LRRTM4: variants seen among roughly 807,000 people sequenced by gnomAD.
The protein encoded by LRRTM4 is leucine-rich repeat transmembrane neuronal protein 4.
Under a neutral mutation model 47.6 loss-of-function variants are expected in LRRTM4, and 25 were observed. The observed-to-expected ratio is 0.53, with a 90% confidence interval of 0.38 to 0.73. The LOEUF (loss-of-function observed/expected upper bound fraction) is 0.73. LRRTM4 is among the 30% of genes least tolerant of loss of function. The pLI is 0.00. For synonymous variants in LRRTM4, 311 were observed against 269.5 expected (o/e 1.15, Z -1.51); for missense variants, 638 against 713.4 (o/e 0.89, Z 1.20).
intron 3 of LRRTM4, among the ~76,000 whole-genome samples, chr2:76,835,642 AG>A (rs1361939576): frequency 6.6e-6 from 1 of 152,092 alleles, no homozygotes; most frequent in Non-Finnish European, 1.5e-5. Flanking sequence ...CCTGAAAGAA[AG>A]CTCAATGAGA....
chr2:76,833,201 G>T (rs1671403957), intron 3 of LRRTM4, among the ~76,000 whole-genome samples: 1 of 152,230 alleles, frequency 6.6e-6, no homozygotes, highest in East Asian at 1.9e-4. Context: ...AATGACCTCT[G>T]CAAGGGAGTG....
rs1558763554 is a variant in LRRTM4, at chr2:77,480,827, GAGAGAGAGA to G, written c.1551+37482_1551+37490del. 5.8e-4 allele frequency among the ~76,000 whole-genome samples: 30 copies of G among 51,478 alleles called. No individual in the cohort carries two copies. In the South Asian group the frequency reaches 7.1e-3, roughly 12 times the overall value. The allele number at this position is 51,478 out of a possible 152,430, so 33.8% of individuals were successfully genotyped here. On this transcript the variant is annotated intron_variant, in intron 3 of 3. Coordinates refer to ENST00000409884, the MANE Select transcript of LRRTM4 (RefSeq NM_001134745.3). ...GTGTGTGTGTGTGTGTGTGTGGAGAGAGAGAGAGAGAGAGAGAGAGAGAGAGAGAGAGAG... is the reference window on the plus strand; with the variant it reads ...GTGTGTGTGTGTGTGTGTGTGGAGAGGAGAGAGAGAGAGAGAGAGAGAGAG...
At chr2:77,444,905 A>T (rs10194234) in intron 3 of LRRTM4, among the ~76,000 whole-genome samples, 112,664 of 147,192 alleles carry the variant, frequency 0.77, 43,285 homozygotes, top group African/African-American at 0.79. Flanking sequence ...TATGCACCTA[A>T]GCACATAGGC....
chr2:76,947,985 T>G (rs1675377386), intron 3 of LRRTM4, among the ~76,000 whole-genome samples: 1 of 151,888 alleles, frequency 6.6e-6, no homozygotes, highest in Admixed American at 6.6e-5. Flanking sequence ...CTTAATTGCA[T>G]GCTCTGAGCT....
chr2:77,402,828 C>T (rs73941281), intron 3 of LRRTM4, among the ~76,000 whole-genome samples: 4,926 of 151,976 alleles, frequency 0.032, 270 homozygotes, highest in African/African-American at 0.11. Flanking sequence ...TTTCAATTTA[C>T]ATCCCGAAAC....
intron 3 of LRRTM4, among the ~76,000 whole-genome samples, chr2:76,911,212 A>T (rs10166085): frequency 1.3e-5 from 2 of 152,164 alleles, no homozygotes; most frequent in African/African-American, 2.4e-5. Flanking sequence ...GAAACCTTTG[A>T]CAAGAATTAT....
intron 3 of LRRTM4, among the ~76,000 whole-genome samples, chr2:77,042,822 C>T (rs1249108313): frequency 1.3e-5 from 2 of 151,678 alleles, no homozygotes; most frequent in Non-Finnish European, 3.0e-5. Flanking sequence ...TTTTTACCTC[C>T]TCAACCAACT....
intron 3 of LRRTM4, among the ~76,000 whole-genome samples, chr2:76,839,980 A>T (rs528382213): frequency 6.6e-6 from 1 of 152,086 alleles, no homozygotes; most frequent in Non-Finnish European, 1.5e-5. Context: ...CACACATTCA[A>T]TCTGGCCCTG....
At position 77,351,274 on chromosome 2, in the gene LRRTM4, G is replaced by GAA. The variant is rs200800165; in HGVS notation, c.1551+167042_1551+167043dup. Among the ~76,000 whole-genome samples, 10 of 144,246 alleles carry GAA rather than the reference G, an allele frequency of 6.9e-5. No homozygotes were observed. The East Asian group carries it at 8.0e-4, about 12-fold the overall frequency. 94.6% of individuals were successfully genotyped at this position (144,246 alleles called of 152,430 possible). A position where few individuals can be genotyped will look rare whatever the true frequency, so the allele number is the denominator to read the frequency against. The stretch of plus-strand genomic sequence containing the variant: ...TATAGCTCACTGTGAAATAAAGTAG[G>GAA]AAAAAAAAAAACACATAAAATTCAG... On this transcript the variant is annotated intron_variant, in intron 3 of 3. Coordinates refer to ENST00000409884, the MANE Select transcript of LRRTM4 (RefSeq NM_001134745.3).
chr2:76,779,060 G>T (rs919422258), intron 3 of LRRTM4, among the ~76,000 whole-genome samples: 5 of 141,842 alleles, frequency 3.5e-5, no homozygotes, highest in African/African-American at 1.4e-4. Flanking sequence ...TTTCCATGTA[G>T]TTGAGTGGTT....
At chr2:76,810,290 AT>A (rs1222324946) in intron 3 of LRRTM4, among the ~76,000 whole-genome samples, 2 of 152,202 alleles carry the variant, frequency 1.3e-5, no homozygotes, top group African/African-American at 4.8e-5. Flanking sequence ...AAAGCAAATT[AT>A]TTTTAAAATT....
chr2:77,283,468 G>A (rs1676561601), intron 3 of LRRTM4, among the ~76,000 whole-genome samples: 1 of 151,238 alleles, frequency 6.6e-6, no homozygotes, highest in Admixed American at 6.6e-5. Flanking sequence ...TCCCATTACT[G>A]TGTATGTATC....
At chr2:76,754,600 A>AGTGTG (rs1488180296) in intron 3 of LRRTM4, among the ~76,000 whole-genome samples, 2 of 152,174 alleles carry the variant, frequency 1.3e-5, no homozygotes, top group African/African-American at 4.8e-5. Context: ...CAGACATGTA[A>AGTGTG]GTGTGAAAGC....
intron 3 of LRRTM4, among the ~76,000 whole-genome samples, chr2:77,090,558 C>T (rs1670581479): frequency 6.6e-6 from 1 of 152,148 alleles, no homozygotes; most frequent in African/African-American, 2.4e-5. Context: ...ATGAGACAAA[C>T]CCCAGCCACA....
At chr2:77,150,059 T>A (rs1295651190) in intron 3 of LRRTM4, among the ~76,000 whole-genome samples, 1 of 152,138 alleles carries the variant, frequency 6.6e-6, no homozygotes, top group Admixed American at 6.6e-5. Context: ...AAGTTATCTA[T>A]TTAGTAAAGA....
intron 3 of LRRTM4, among the ~76,000 whole-genome samples, chr2:77,427,761 T>C (rs1558738788): frequency 6.6e-6 from 1 of 152,216 alleles, no homozygotes; most frequent in Non-Finnish European, 1.5e-5. Flanking sequence ...TAACCAAGGC[T>C]CCACTGAAGA....
At chr2:77,220,441 G>C (rs1358141203) in intron 3 of LRRTM4, among the ~76,000 whole-genome samples, 1 of 152,160 alleles carries the variant, frequency 6.6e-6, no homozygotes, top group Non-Finnish European at 1.5e-5. Context: ...CAATGGCAAA[G>C]AAGTTAAAAA....
chr2:77,040,185 A>G (rs933802337), intron 3 of LRRTM4, among the ~76,000 whole-genome samples: 1 of 151,258 alleles, frequency 6.6e-6, no homozygotes, highest in Non-Finnish European at 1.5e-5. Context: ...TTTTCCATTT[A>G]AATACTAATT....
At chr2:76,881,275 T>G (rs912082157) in intron 3 of LRRTM4, among the ~76,000 whole-genome samples, 1 of 152,130 alleles carries the variant, frequency 6.6e-6, no homozygotes, top group Non-Finnish European at 1.5e-5. Flanking sequence ...GCAATCAAGT[T>G]TGAGGGCAAA....
Sources: allele counts gnomAD v4.1 joint callset (sites outside exome capture counted in the v4.1 genomes callset), GRCh38; gene constraint gnomAD v4.1.1; transcripts MANE v1.5; gene names NCBI Gene and HGNC (gene_info 2026-07-23, HGNC 2026-07-21).